The following SPON1 variants were observed in gnomAD, a reference collection of about 807,000 sequenced individuals.
SPON1 encodes the protein spondin-1.
A neutral mutation model predicts 111.7 loss-of-function variants in SPON1; 52 were observed. The ratio of observed to expected loss-of-function variants is 0.47; its 90% confidence interval spans 0.37 to 0.59. The LOEUF is 0.59. Among genes scored for constraint, SPON1 ranks in the 20% least tolerant of loss-of-function variants. The pLI is 0.00. For missense variants in SPON1, 957 were observed against 1,068.5 expected (o/e 0.90, Z 1.46); for synonymous variants, 410 against 395.8 (o/e 1.04, Z -0.43).
chr11:14,070,551 A>C (rs1726014182), intron 3 of SPON1, among the ~76,000 whole-genome samples: 1 of 152,208 alleles, frequency 6.6e-6, no homozygotes, highest in Non-Finnish European at 1.5e-5. Context: ...CACATACTGG[A>C]TATTTACCGT....
intron 6 of SPON1, among the ~76,000 whole-genome samples, chr11:14,161,566 AC>A (rs1205304575): frequency 2.6e-5 from 4 of 151,428 alleles, no homozygotes; most frequent in Non-Finnish European, 4.4e-5. Context: ...TGATCCACCC[AC>A]CTCGGCCTCC....
At chr11:14,093,118 A>C (rs1554923565) in intron 5 of SPON1, among the ~76,000 whole-genome samples, 1 of 152,224 alleles carries the variant, frequency 6.6e-6, no homozygotes, top group Non-Finnish European at 1.5e-5. Context: ...TCAGAAAGAG[A>C]AGGTCTGGAT....
At chr11:14,252,713 GA>G (rs1849066072) in intron 7 of SPON1, among the ~76,000 whole-genome samples, 1 of 152,198 alleles carries the variant, frequency 6.6e-6, no homozygotes, top group Non-Finnish European at 1.5e-5. Context: ...CAGAGTGTGG[GA>G]ATCCAGCGCT....
Position 14,254,514 on chromosome 11 carries a change from T to C in SPON1, c.891-14T>C. The stretch of plus-strand genomic sequence containing the variant: ...CAGAACTCTAATATAATGGTCTCTG[T>C]ATTTCGTTTCCAGGAGAGCAGCACC... On this transcript the variant is annotated splice_polypyrimidine_tract_variant and intron_variant, in intron 7 of 15. Transcript: ENST00000576479. 6.3e-7 allele frequency: 1 copy of C among 1,581,798 alleles called. No individual in the cohort carries two copies. The highest frequency in any genetic ancestry group is 2.2e-5 in the East Asian group (1 of 44,694).
At chr11:14,189,833 A>G (rs1554934391) in intron 6 of SPON1, among the ~76,000 whole-genome samples, 2 of 152,214 alleles carry the variant, frequency 1.3e-5, no homozygotes. Context: ...GAAGACTAAA[A>G]TGTTATTAAA....
chr11:14,163,806 A>T (rs1338324136), intron 6 of SPON1, among the ~76,000 whole-genome samples: 1 of 152,074 alleles, frequency 6.6e-6, no homozygotes, highest in Non-Finnish European at 1.5e-5. Context: ...GCTGTCCTCC[A>T]TATTGATTCC....
At chr11:14,222,507 A>G (rs924269473) in intron 6 of SPON1, among the ~76,000 whole-genome samples, 1 of 152,180 alleles carries the variant, frequency 6.6e-6, no homozygotes, top group Non-Finnish European at 1.5e-5. Context: ...GGATCTGAAC[A>G]TGAGTAGACT....
At chr11:14,016,403 T>A (rs760327206) in intron 2 of SPON1, among the ~76,000 whole-genome samples, 2 of 152,266 alleles carry the variant, frequency 1.3e-5, no homozygotes, top group Non-Finnish European at 2.9e-5. Context: ...TGATGTGCTT[T>A]CTATGGGTCA....
intron 6 of SPON1, among the ~76,000 whole-genome samples, chr11:14,137,249 AC>A (rs145928604): frequency 1.3e-5 from 2 of 151,680 alleles, no homozygotes; most frequent in African/African-American, 4.8e-5. Flanking sequence ...CATGGATGGG[AC>A]CCCCCACCAC....
chr11:14,239,769 A>G (rs935165659), intron 6 of SPON1, among the ~76,000 whole-genome samples: 4 of 152,246 alleles, frequency 2.6e-5, no homozygotes, highest in Non-Finnish European at 2.9e-5. Context: ...TACCATTAGC[A>G]TATGACCTCA....
chr11:14,101,642 C>T (rs1554924385), intron 5 of SPON1, among the ~76,000 whole-genome samples: 1 of 152,006 alleles, frequency 6.6e-6, no homozygotes, highest in Admixed American at 6.6e-5. Flanking sequence ...TACCTCACTG[C>T]TGCCTTTAAA....
At chr11:14,090,797 C>G (rs1484790806) in intron 5 of SPON1, among the ~76,000 whole-genome samples, 8 of 148,442 alleles carry the variant, frequency 5.4e-5, no homozygotes, top group African/African-American at 1.5e-4. Context: ...TGCTGGCTCC[C>G]GCAGCCTGCT....
chr11:14,053,491 A>G (rs1848722816), intron 3 of SPON1, among the ~76,000 whole-genome samples: 1 of 152,206 alleles, frequency 6.6e-6, no homozygotes, highest in Non-Finnish European at 1.5e-5. Context: ...ATTCCTTTAT[A>G]TAGCTGAATA....
intron 3 of SPON1, among the ~76,000 whole-genome samples, chr11:14,060,104 C>G (rs187347466): frequency 1.3e-5 from 2 of 152,288 alleles, no homozygotes; most frequent in South Asian, 2.1e-4. Context: ...GCTCTACCCC[C>G]CCAACTACTT....
In SPON1 at chr11:14,259,605, A is replaced by T; in HGVS notation, c.1735A>T (p.Lys579Ter). 6.4e-7 allele frequency: 1 copy of T among 1,557,230 alleles called. No homozygotes were observed. The highest frequency in any genetic ancestry group is 8.7e-7 in the Non-Finnish European group (1 of 1,150,518). ...ECSATCGMGM[K>*]KRHRMIKMNP... is the part of the protein sequence containing the mutation. ...CAGCGCCACCTGCGGCATGGGCATG[A>T]AGAAGCGGCACCGCATGATCAAGAT... The change falls in exon 13 of 16, where the codon AAG becomes TAG. Residue 579 changes from lysine to a stop codon, truncating the protein, a stop_gained. Coordinates refer to ENST00000576479, the MANE Select transcript of SPON1 (RefSeq NM_006108.4). LOFTEE classifies it high-confidence loss of function. The surrounding 1 kb of genome is among the most constrained non-coding windows in gnomAD (Gnocchi z 5.0).
chr11:13,986,675 C>T (rs1554910416), intron 2 of SPON1, among the ~76,000 whole-genome samples: 1 of 151,846 alleles, frequency 6.6e-6, no homozygotes, highest in East Asian at 1.9e-4. Flanking sequence ...AAACCCGTCA[C>T]CTACATTAGA....
intron 14 of SPON1, 161 bp from the exon 15 acceptor site, chr11:14,262,551 T>A: frequency 1.1e-6 from 1 of 929,546 alleles, no homozygotes; most frequent in Non-Finnish European, 1.6e-6. Flanking sequence ...CGGGCTGAAG[T>A]CAGCCTGCCT....
At chr11:14,262,635 T>G in intron 14 of SPON1, 77 bp from the exon 15 acceptor site, 937 of 1,533,206 alleles carry the variant, frequency 6.1e-4, no homozygotes, top group Non-Finnish European at 7.6e-4. Context: ...ATAGGCTTGT[T>G]GAGATGTTCA....
intron 2 of SPON1, among the ~76,000 whole-genome samples, chr11:13,999,193 A>G (rs781978468): frequency 1.8e-4 from 27 of 152,360 alleles, no homozygotes; most frequent in South Asian, 8.3e-4. Flanking sequence ...TTAGCAGTAT[A>G]CATTCGTATA....
Sources: allele counts gnomAD v4.1 joint callset (sites outside exome capture counted in the v4.1 genomes callset), GRCh38; gene constraint gnomAD v4.1.1; non-coding constraint Gnocchi (gnomAD v3.1); transcripts MANE v1.5; gene names NCBI Gene and HGNC (gene_info 2026-07-23, HGNC 2026-07-21).